CNTNAP5: variants seen among roughly 807,000 people sequenced by gnomAD.
CNTNAP5 encodes contactin-associated protein-like 5.
In CNTNAP5, 72 loss-of-function variants were observed where a neutral mutation model predicts 150.2. The ratio of observed to expected loss-of-function variants is 0.48; its 90% CI spans 0.40 to 0.58. The LOEUF (loss-of-function observed/expected upper bound fraction) is 0.58. Among genes scored for constraint, CNTNAP5 ranks in the 20% least tolerant of loss-of-function variants. The pLI, the probability that CNTNAP5 is intolerant of heterozygous loss-of-function variation, is 0.00. For missense variants in CNTNAP5, 1,636 were observed against 1,626.2 expected (o/e 1.01, Z -0.10); for synonymous variants, 672 against 619.8 (o/e 1.08, Z -1.25).
At chr2:124,168,418 C>A (rs1301291154) in intron 1 of CNTNAP5, among the ~76,000 whole-genome samples, 1 of 152,158 alleles carries the variant, frequency 6.6e-6, no homozygotes, top group Non-Finnish European at 1.5e-5. Context: ...GTGATAGTGG[C>A]AAGCATAAGC....
chr2:124,171,247 T>C (rs991009953), intron 1 of CNTNAP5, among the ~76,000 whole-genome samples: 10 of 152,210 alleles, frequency 6.6e-5, no homozygotes, highest in Non-Finnish European at 2.9e-5. Context: ...CGGAAGCTGC[T>C]TCGTGTCCTT....
chr2:124,892,273 C>T (rs1290436375), intron 21 of CNTNAP5, among the ~76,000 whole-genome samples: 2 of 152,080 alleles, frequency 1.3e-5, no homozygotes, highest in Admixed American at 1.3e-4. Context: ...GGAAATGCTA[C>T]AATTATAGCA....
intron 3 of CNTNAP5, among the ~76,000 whole-genome samples, chr2:124,279,967 A>C (rs1687974016): frequency 6.6e-6 from 1 of 151,888 alleles, no homozygotes; most frequent in Admixed American, 6.6e-5. Flanking sequence ...TCCTCCTAAT[A>C]TTTTTCTTTA....
intron 13 of CNTNAP5, among the ~76,000 whole-genome samples, chr2:124,703,344 C>T (rs1287054406): frequency 6.6e-6 from 1 of 151,520 alleles, no homozygotes; most frequent in East Asian, 1.9e-4. Flanking sequence ...TGTATCATAG[C>T]ATGAATATCA....
intron 10 of CNTNAP5, 150 bp downstream of exon 10, chr2:124,527,606 T>A (rs1208390833): frequency 5.3e-6 from 3 of 568,540 alleles, no homozygotes; most frequent in Non-Finnish European, 5.7e-6. Context: ...TCTGAAAGGA[T>A]TTCAGGCCCA....
intron 8 of CNTNAP5, among the ~76,000 whole-genome samples, chr2:124,518,632 G>A (rs1361217574): frequency 6.6e-6 from 1 of 152,058 alleles, no homozygotes; most frequent in Admixed American, 6.5e-5. Flanking sequence ...AATGTTCATA[G>A]CAGCATTATT....
chr2:124,647,740 G>A lies in CNTNAP5; in HGVS notation c.1877-18G>A, dbSNP rs1461476656. ...TTGCTTCTAACGTCTCTTGCTTTGT[G>A]TTGTGTTGTCTGGGCAGAGGACAAG... On this transcript the variant is annotated intron_variant, in intron 12 of 23. Coordinates refer to ENST00000682447, the MANE Select transcript of CNTNAP5 (RefSeq NM_001367498.1). 1.3e-6 allele frequency: 2 copies of A among 1,570,642 alleles called. No homozygotes were observed. The highest frequency in any genetic ancestry group is 1.7e-6 in the Non-Finnish European group (2 of 1,152,532).
At chr2:124,205,912 A>G (rs1685851969) in intron 1 of CNTNAP5, among the ~76,000 whole-genome samples, 1 of 152,208 alleles carries the variant, frequency 6.6e-6, no homozygotes, top group Non-Finnish European at 1.5e-5. Context: ...AAGATCTCCA[A>G]AAAGGGCTCA....
chr2:124,677,354 G>C (rs1256176136), intron 13 of CNTNAP5, among the ~76,000 whole-genome samples: 1 of 152,222 alleles, frequency 6.6e-6, no homozygotes, highest in Non-Finnish European at 1.5e-5. Context: ...GACCTAAAGA[G>C]TAAGCAGCAG....
chr2:124,494,435 G>T (rs79314907), intron 7 of CNTNAP5, among the ~76,000 whole-genome samples: 5,497 of 152,106 alleles, frequency 0.036, 128 homozygotes, highest in Non-Finnish European at 0.042. Context: ...TTCTCTCTAG[G>T]CCCCTAGCAG....
intron 1 of CNTNAP5, among the ~76,000 whole-genome samples, chr2:124,181,043 A>G (rs1256599980): frequency 1.3e-5 from 2 of 152,154 alleles, no homozygotes; most frequent in Non-Finnish European, 2.9e-5. Context: ...AATTTAAAAA[A>G]AAAAAATTCT....
At chr2:124,615,417 C>A (rs10181098) in intron 12 of CNTNAP5, among the ~76,000 whole-genome samples, 4,429 of 152,246 alleles carry the variant, frequency 0.029, 74 homozygotes, top group African/African-American at 0.046. Context: ...GATTCCATCT[C>A]AAGAAGCCAC....
intron 13 of CNTNAP5, among the ~76,000 whole-genome samples, chr2:124,746,312 T>C (rs1359875194): frequency 3.3e-5 from 5 of 151,966 alleles, no homozygotes; most frequent in African/African-American, 1.2e-4. Flanking sequence ...TTCTCAATCA[T>C]AAAAAATCCA....
At chr2:124,067,311 T>C (rs867246593) in intron 1 of CNTNAP5, among the ~76,000 whole-genome samples, 1 of 152,260 alleles carries the variant, frequency 6.6e-6, no homozygotes, top group Non-Finnish European at 1.5e-5. Flanking sequence ...AATCAGGGTG[T>C]TGGCAAGAAC....
intron 2 of CNTNAP5, among the ~76,000 whole-genome samples, chr2:124,224,276 T>C (rs1237317491): frequency 2.0e-5 from 3 of 152,116 alleles, no homozygotes; most frequent in Non-Finnish European, 4.4e-5. Context: ...GGCATTGTTC[T>C]AGATCCTTGA....
At chr2:124,570,615 T>A (rs1696130361) in intron 11 of CNTNAP5, among the ~76,000 whole-genome samples, 1 of 152,172 alleles carries the variant, frequency 6.6e-6, no homozygotes, top group African/African-American at 2.4e-5. Flanking sequence ...CAGTTTCTTT[T>A]TTTTAATGTA....
At chr2:124,456,580 T>C (rs1693123662) in intron 6 of CNTNAP5, among the ~76,000 whole-genome samples, 1 of 152,088 alleles carries the variant, frequency 6.6e-6, no homozygotes, top group Admixed American at 6.6e-5. Context: ...GTAAAATTCA[T>C]ATGGAACTAA....
chr2:124,246,930 T>C (rs1687044280), intron 3 of CNTNAP5, among the ~76,000 whole-genome samples: 1 of 152,192 alleles, frequency 6.6e-6, no homozygotes, highest in Admixed American at 6.5e-5. Context: ...TCCTTTATTA[T>C]AGACGCTTTT....
chr2:124,743,590 A>G (rs1680546395), intron 13 of CNTNAP5, among the ~76,000 whole-genome samples: 1 of 152,164 alleles, frequency 6.6e-6, no homozygotes, highest in Non-Finnish European at 1.5e-5. Flanking sequence ...TGCAGACAGC[A>G]TGTCGACTGA....
Sources: gnomAD v4.1 joint callset for allele counts (sites outside exome capture counted in the v4.1 genomes callset) on GRCh38, gnomAD v4.1.1 for gene constraint, MANE v1.5 for transcripts, NCBI Gene and HGNC (gene_info 2026-07-23, HGNC 2026-07-21) for gene names.